Variants in DSCAM observed in about 807,000 individuals in gnomAD.
DSCAM encodes cell adhesion molecule DSCAM.
Under a neutral mutation model 217.7 loss-of-function variants are expected in DSCAM, and 47 were observed. The observed-to-expected ratio is 0.22, with a 90% CI of 0.17 to 0.28. The LOEUF is 0.28. Ranked by LOEUF, DSCAM falls within the 10% of genes least tolerant of loss-of-function variation. The pLI, the probability that DSCAM is intolerant of heterozygous loss-of-function variation, is 1.00. For synonymous variants in DSCAM, 1,056 were observed against 1,015.3 expected, an observed-to-expected ratio of 1.04 and a Z score of -0.76; for missense variants, 2,080 against 2,618.3, an observed-to-expected ratio of 0.79 and a Z score of 4.49.
chr21:40,167,176 TG>T, intron 16 of DSCAM, 41 bp downstream of exon 16: 1 of 1,582,242 alleles, frequency 6.3e-7, no homozygotes, highest in Non-Finnish European at 8.7e-7. Flanking sequence ...GGGCTCGCCC[TG>T]GGGGGAAAGC....
chr21:40,173,328 G>T (rs570489681), intron 15 of DSCAM, among the ~76,000 whole-genome samples: 14 of 152,152 alleles, frequency 9.2e-5, no homozygotes, highest in Non-Finnish European at 2.1e-4. Context: ...AAGTGGTAAG[G>T]GAAGAGACGA....
At chr21:40,383,180 T>G (rs1039357050) in intron 3 of DSCAM, 3 of 151,744 alleles carry the variant, frequency 2.0e-5, no homozygotes, top group African/African-American at 7.3e-5. Context: ...ATACAAAAAT[T>G]AGCCGGGCGT....
chr21:40,094,789 T>C (rs1033000642), intron 20 of DSCAM, among the ~76,000 whole-genome samples: 1 of 152,218 alleles, frequency 6.6e-6, no homozygotes, highest in African/African-American at 2.4e-5. Context: ...AAATTATTCC[T>C]AAATAACTTA....
chr21:40,277,415 G>A (rs148117211), intron 10 of DSCAM, among the ~76,000 whole-genome samples: 2 of 152,192 alleles, frequency 1.3e-5, no homozygotes, highest in Non-Finnish European at 2.9e-5. Flanking sequence ...GGTCTCACTC[G>A]AGCTCACAAT....
At chr21:40,112,842 TA>T (rs2089917461) in intron 20 of DSCAM, among the ~76,000 whole-genome samples, 1 of 152,076 alleles carries the variant, frequency 6.6e-6, no homozygotes, top group Non-Finnish European at 1.5e-5. Context: ...CCTTGACAAA[TA>T]CACCCTCCCA....
intron 3 of DSCAM, among the ~76,000 whole-genome samples, chr21:40,533,675 GTCCA>G (rs1191419708): frequency 1.5e-4 from 19 of 123,252 alleles, no homozygotes; most frequent in African/African-American, 5.3e-4. Context: ...TCATCCATCT[GTCCA>G]TCCATCCATC....
intron 3 of DSCAM, among the ~76,000 whole-genome samples, chr21:40,554,337 C>T (rs1183100027): frequency 6.6e-6 from 1 of 152,050 alleles, no homozygotes; most frequent in Non-Finnish European, 1.5e-5. Context: ...GGGCAGCTAT[C>T]ATTCTTACAA....
intron 5 of DSCAM, among the ~76,000 whole-genome samples, chr21:40,349,305 C>T (rs2074603632): frequency 1.3e-5 from 2 of 150,986 alleles, no homozygotes; most frequent in South Asian, 4.2e-4. Flanking sequence ...GCCAATAACA[C>T]ACAATTGTGA....
At chr21:40,055,342 G>A (rs1345649881) in intron 29 of DSCAM, among the ~76,000 whole-genome samples, 1 of 152,136 alleles carries the variant, frequency 6.6e-6, no homozygotes, top group Non-Finnish European at 1.5e-5. Flanking sequence ...AGGGGGGCAC[G>A]GAGTGGATTT....
At chr21:40,039,320 AG>A (rs1366755061) in intron 32 of DSCAM, among the ~76,000 whole-genome samples, 1 of 151,428 alleles carries the variant, frequency 6.6e-6, no homozygotes, top group Non-Finnish European at 1.5e-5. Flanking sequence ...AAAAAAAAAA[AG>A]AATGGAAAAT....
At chr21:40,309,744 A>G (rs718599) in intron 9 of DSCAM, among the ~76,000 whole-genome samples, 2,256 of 152,316 alleles carry the variant, frequency 0.015, 55 homozygotes, top group African/African-American at 0.051. Flanking sequence ...TTTACCGCCA[A>G]AATAGATTGT....
intron 3 of DSCAM, among the ~76,000 whole-genome samples, chr21:40,564,281 T>C (rs761393239): frequency 1.3e-4 from 20 of 152,140 alleles, no homozygotes; most frequent in Non-Finnish European, 2.5e-4. Flanking sequence ...GAAAAAACAA[T>C]GATTTTGAGA....
At chr21:40,575,712 G>A (rs2076844795) in intron 3 of DSCAM, among the ~76,000 whole-genome samples, 1 of 151,836 alleles carries the variant, frequency 6.6e-6, no homozygotes, top group Non-Finnish European at 1.5e-5. Context: ...TAAATAGGTA[G>A]GCAGGCTACA....
intron 3 of DSCAM, among the ~76,000 whole-genome samples, chr21:40,423,834 A>G (rs16999753): frequency 0.071 from 10,849 of 152,230 alleles, 615 homozygotes; most frequent in African/African-American, 0.16. Context: ...CATTTCATAG[A>G]TGTTCCTGCT....
chr21:40,305,921 G>A (rs551667986), intron 9 of DSCAM, among the ~76,000 whole-genome samples: 138 of 152,232 alleles, frequency 9.1e-4, no homozygotes, highest in Non-Finnish European at 1.1e-3. Flanking sequence ...ACTTGGCGAC[G>A]CGGGCTCTTT....
chr21:40,012,919 T>A lies in DSCAM; in HGVS notation c.*115A>T, dbSNP rs538162244. ...TTCAGTATTTTCTCTTTTTTTTTTTTAATATATTTTGGCAATTTTCTTTAA... is the reference window on the plus strand; with the variant it reads ...TTCAGTATTTTCTCTTTTTTTTTTTAAATATATTTTGGCAATTTTCTTTAA... On this transcript the variant is annotated 3_prime_UTR_variant, in exon 33 of 33. Transcript: ENST00000400454. 1,823 of 759,512 alleles carry A rather than the reference T, an allele frequency of 2.4e-3. 16 individuals carry two copies. The highest frequency in any genetic ancestry group is 2.1e-3 in the Middle Eastern group (5 of 2,364). The allele number at this position is 759,512 out of a possible 1,614,324, so 47.0% of individuals were successfully genotyped here.
chr21:40,121,841 A>G (rs2090038495), intron 20 of DSCAM, among the ~76,000 whole-genome samples: 1 of 151,758 alleles, frequency 6.6e-6, no homozygotes, highest in Admixed American at 6.6e-5. Context: ...ACAGGCATGT[A>G]CCACCACACC....
intron 3 of DSCAM, among the ~76,000 whole-genome samples, chr21:40,551,878 C>G (rs2076632697): frequency 6.6e-6 from 1 of 152,150 alleles, no homozygotes; most frequent in Non-Finnish European, 1.5e-5. Context: ...CTGTCATGGC[C>G]TGAACTACCT....
intron 9 of DSCAM, among the ~76,000 whole-genome samples, chr21:40,308,809 G>A (rs1252815300): frequency 6.6e-6 from 1 of 152,162 alleles, no homozygotes; most frequent in African/African-American, 2.4e-5. Context: ...GTTACTCTGT[G>A]ATGGTCCTAT....
Sources: allele counts gnomAD v4.1 joint callset (sites outside exome capture counted in the v4.1 genomes callset), GRCh38; gene constraint gnomAD v4.1.1; transcripts MANE v1.5; gene names NCBI Gene and HGNC (gene_info 2026-07-23, HGNC 2026-07-21).